The following MCPH1 variants were observed in gnomAD, a reference collection of about 807,000 sequenced individuals.
The protein encoded by MCPH1 is microcephalin.
MCPH1 carries 104 observed loss-of-function variants against 84.5 expected under a neutral mutation model. That is an observed-to-expected ratio of 1.23 (90% CI 1.05 to 1.45). The LOEUF is 1.45. Among genes scored for constraint, MCPH1 ranks in the 40% most tolerant of loss-of-function variants. The pLI is 0.00. For missense variants in MCPH1, 1,498 were observed against 1,005.7 expected (o/e 1.49, Z -6.62); for synonymous variants, 514 against 366.8 (o/e 1.40, Z -4.58).
At chr8:6,452,472 G>T (rs1356585859) in intron 8 of MCPH1, among the ~76,000 whole-genome samples, 1 of 152,236 alleles carries the variant, frequency 6.6e-6, no homozygotes, top group African/African-American at 2.4e-5. Flanking sequence ...GTGTAATGAG[G>T]TTGGGAGGAA....
intron 9 of MCPH1, among the ~76,000 whole-genome samples, chr8:6,471,534 A>G (rs1427131345): frequency 6.6e-6 from 1 of 152,212 alleles, no homozygotes; most frequent in Non-Finnish European, 1.5e-5. Context: ...GAGGGAGAAG[A>G]GAAAGGGTTC....
chr8:6,567,738 C>T (rs1826318535), intron 12 of MCPH1, among the ~76,000 whole-genome samples: 1 of 152,124 alleles, frequency 6.6e-6, no homozygotes. Flanking sequence ...GGGTCTGAGG[C>T]CACCCATCTG....
chr8:6,639,965 T>C (rs1797819954), intron 13 of MCPH1, among the ~76,000 whole-genome samples: 1 of 152,038 alleles, frequency 6.6e-6, no homozygotes, highest in African/African-American at 2.4e-5. Flanking sequence ...CCTCAAACTC[T>C]TGGGCTCAAG....
At chr8:6,466,630 C>T (rs1028246096) in intron 9 of MCPH1, among the ~76,000 whole-genome samples, 3 of 151,806 alleles carry the variant, frequency 2.0e-5, no homozygotes, top group Admixed American at 6.6e-5. Flanking sequence ...TTAGTAGAGA[C>T]AGGGTTTCAC....
intron 12 of MCPH1, among the ~76,000 whole-genome samples, chr8:6,574,464 C>T (rs1424134472): frequency 6.6e-6 from 1 of 152,184 alleles, no homozygotes; most frequent in Non-Finnish European, 1.5e-5. Context: ...CCAAATAAGC[C>T]CACATGCTGA....
chr8:6,497,227 T>G (rs1811335133), intron 11 of MCPH1, among the ~76,000 whole-genome samples: 2 of 150,992 alleles, frequency 1.3e-5, no homozygotes, highest in South Asian at 4.2e-4. Flanking sequence ...ACACCTATAA[T>G]CCCAACACGT....
At chr8:6,407,700 C>T (rs1235355667) in intron 1 of MCPH1, among the ~76,000 whole-genome samples, 5 of 152,102 alleles carry the variant, frequency 3.3e-5, no homozygotes, top group Non-Finnish European at 7.3e-5. Context: ...TTTCTTTTAG[C>T]GTTACCCCCA....
In MCPH1 at chr8:6,444,967, T is replaced by A. The variant is rs377204886; in HGVS notation, c.1245T>A (p.Tyr415Ter). The A allele has an allele frequency of 5.6e-6, 9 of 1,614,196 alleles. No homozygotes were observed. The highest frequency in any genetic ancestry group is 7.6e-6 in the Non-Finnish European group (9 of 1,180,022). Reference protein sequence around the residue: ...LSCGESSYDDYFSPDNLKERY... With the variant: ...LSCGESSYDD Reference sequence around the variant, plus strand: ...GTGGGGAGTCTTCATATGATGACTATTTTTCACCTGATAATCTTAAGGAAA... The same window carrying A: ...GTGGGGAGTCTTCATATGATGACTAATTTTCACCTGATAATCTTAAGGAAA... The change falls in exon 8 of 14, where the codon TAT becomes TAA. Residue 415 changes from tyrosine (Y) to a stop codon, truncating the protein, a stop_gained. Coordinates refer to ENST00000344683, the MANE Select transcript of MCPH1 (RefSeq NM_024596.5). LOFTEE classifies it high-confidence loss of function.
intron 9 of MCPH1, among the ~76,000 whole-genome samples, chr8:6,468,367 C>T (rs567243098): frequency 6.6e-5 from 10 of 152,278 alleles, no homozygotes; most frequent in Non-Finnish European, 1.2e-4. Flanking sequence ...CTGCACCCTT[C>T]TCCCACACAC....
rs550931841 is a variant in MCPH1 at position 6,641,671 on chromosome 8, G to A, written c.2453-1323G>A. On this transcript the variant is annotated intron_variant, in intron 13 of 13. Coordinates refer to ENST00000344683, the MANE Select transcript of MCPH1 (RefSeq NM_024596.5). ...AGTCTGGAGGATCACCTGAGTCCAG[G>A]AGACTGAGGCTGCAGTGAGTCATGT... Among the ~76,000 whole-genome samples the A allele has an allele frequency of 3.9e-5, 6 of 152,306 alleles. No homozygotes were observed. The South Asian group carries it at 1.2e-3, about 32-fold the overall frequency.
At chr8:6,424,687 A>C (rs1425681137) in intron 3 of MCPH1, among the ~76,000 whole-genome samples, 2 of 152,360 alleles carry the variant, frequency 1.3e-5, no homozygotes, top group East Asian at 3.9e-4. Flanking sequence ...GTAGCCATTT[A>C]GGACTGGGCA....
intron 12 of MCPH1, among the ~76,000 whole-genome samples, chr8:6,578,289 A>G (rs534907815): frequency 5.3e-5 from 8 of 152,340 alleles, no homozygotes; most frequent in Admixed American, 2.0e-4. Flanking sequence ...TCACTATTCC[A>G]TATCAATTCT....
chr8:6,437,010 C>A (rs527855474), intron 5 of MCPH1, among the ~76,000 whole-genome samples: 33 of 151,958 alleles, frequency 2.2e-4, no homozygotes, highest in Non-Finnish European at 4.1e-4. Flanking sequence ...ATGCTTTGTA[C>A]GTTTTTGGTA....
At chr8:6,510,863 G>A (rs1028405253) in intron 12 of MCPH1, among the ~76,000 whole-genome samples, 1 of 152,188 alleles carries the variant, frequency 6.6e-6, no homozygotes, top group Non-Finnish European at 1.5e-5. Context: ...GCATGAACTG[G>A]ACATGTGAGT....
chr8:6,559,772 G>A (rs1264528240), intron 12 of MCPH1, among the ~76,000 whole-genome samples: 1 of 152,210 alleles, frequency 6.6e-6, no homozygotes, highest in African/African-American at 2.4e-5. Context: ...CCAGGGCAGA[G>A]GTTCACACTA....
intron 6 of MCPH1, among the ~76,000 whole-genome samples, 188 bp from the exon 7 acceptor site, chr8:6,441,879 G>A (rs1376082576): frequency 6.6e-6 from 1 of 152,182 alleles, no homozygotes; most frequent in Non-Finnish European, 1.5e-5. Flanking sequence ...GAACAGACTG[G>A]AAATGTTCAC....
intron 13 of MCPH1, among the ~76,000 whole-genome samples, chr8:6,623,159 G>T (rs949914396): frequency 1.3e-5 from 2 of 151,762 alleles, no homozygotes; most frequent in African/African-American, 4.8e-5. Context: ...AGCCCCAGTG[G>T]CATCATTTTA....
rs554342399 is a variant in MCPH1 at position 6,623,083 on chromosome 8, G to A, written c.2452+1392G>A. Among the ~76,000 whole-genome samples, 10 of 150,376 alleles carry A rather than the reference G, an allele frequency of 6.7e-5. No homozygotes were observed. In the South Asian group the frequency reaches 2.1e-3, roughly 32 times the overall value. ...GCCCAGGATAGTCTCAAACTCCGGG[G>A]CTCAAGCGATCCTCCTGCTTTGGCT... is the stretch of plus-strand genomic sequence containing the variant. On this transcript the variant is annotated intron_variant, in intron 13 of 13. Transcript: ENST00000344683.
At chr8:6,523,752 TA>T (rs1817807253) in intron 12 of MCPH1, among the ~76,000 whole-genome samples, 1 of 152,192 alleles carries the variant, frequency 6.6e-6, no homozygotes, top group South Asian at 2.1e-4. Flanking sequence ...CACGCCCAGC[TA>T]ATTTTTTGTA....
Sources: gnomAD v4.1 joint callset for allele counts (sites outside exome capture counted in the v4.1 genomes callset) on GRCh38, gnomAD v4.1.1 for gene constraint, MANE v1.5 for transcripts, NCBI Gene and HGNC (gene_info 2026-07-23, HGNC 2026-07-21) for gene names.